TASP1: variants seen among roughly 807,000 people sequenced by gnomAD.
TASP1 encodes taspase 1, also known as threonine aspartase 1.
In TASP1, 16 loss-of-function variants were observed where a neutral mutation model predicts 56.6. The observed-to-expected ratio is 0.28, with a 90% confidence interval of 0.19 to 0.43. The LOEUF (loss-of-function observed/expected upper bound fraction) is 0.43, where lower values mean the gene tolerates loss of function less well. Ranked by LOEUF, TASP1 falls within the 20% of genes least tolerant of loss-of-function variation. The pLI is 1.00. For synonymous variants in TASP1, 179 were observed against 184.2 expected (o/e 0.97, Z 0.23); for missense variants, 393 against 511.6 (o/e 0.77, Z 2.24).
At chr20:13,515,179 C>G (rs972740511) in intron 10 of TASP1, among the ~76,000 whole-genome samples, 1 of 152,098 alleles carries the variant, frequency 6.6e-6, no homozygotes, top group Non-Finnish European at 1.5e-5. Flanking sequence ...AAAACATAAG[C>G]ATCACTTCTT....
the TASP1 span, among the ~76,000 whole-genome samples, chr20:13,150,514 C>A: frequency 6.6e-6 from 1 of 152,154 alleles, no homozygotes; most frequent in Admixed American, 6.5e-5. Flanking sequence ...GAGTTCCATC[C>A]AGGGACTCCA....
At chr20:13,118,448 G>GAAAAAAAAAAAA in the TASP1 span, among the ~76,000 whole-genome samples, 2 of 108,716 alleles carry the variant, frequency 1.8e-5, no homozygotes, top group African/African-American at 3.6e-5. Context: ...AGAGGTTTGT[G>GAAAAAAAAAAAA]GAAAAAAAAA....
the TASP1 span, among the ~76,000 whole-genome samples, chr20:13,249,206 ATCT>A: frequency 6.6e-6 from 1 of 152,182 alleles, no homozygotes; most frequent in Non-Finnish European, 1.5e-5. Context: ...GTTCCTAATG[ATCT>A]TCTGTTCTCC....
At chr20:13,555,563 C>T (rs1350069688) in intron 8 of TASP1, among the ~76,000 whole-genome samples, 1 of 152,052 alleles carries the variant, frequency 6.6e-6, no homozygotes, top group South Asian at 2.1e-4. Context: ...CATCTTCAGG[C>T]CCTACCTCTA....
At chr20:13,301,615 T>C in the TASP1 span, among the ~76,000 whole-genome samples, 14 of 152,334 alleles carry the variant, frequency 9.2e-5, no homozygotes, top group African/African-American at 3.4e-4. Context: ...AATTTTTTGC[T>C]ACAGATGAAC....
At chr20:13,134,662 T>C in the TASP1 span, among the ~76,000 whole-genome samples, 27 of 152,262 alleles carry the variant, frequency 1.8e-4, no homozygotes, top group Non-Finnish European at 2.9e-5. Context: ...TTGATAACCA[T>C]GTTTCTACGT....
chr20:13,129,911 T>G, the TASP1 span, among the ~76,000 whole-genome samples: 1 of 152,136 alleles, frequency 6.6e-6, no homozygotes, highest in Non-Finnish European at 1.5e-5. Flanking sequence ...TTAAAGCTTC[T>G]CACTTTACTC....
intron 11 of TASP1, among the ~76,000 whole-genome samples, chr20:13,466,086 T>C (rs1467014573): frequency 1.3e-5 from 2 of 152,146 alleles, no homozygotes; most frequent in African/African-American, 4.8e-5. Context: ...CTATTATAAT[T>C]CTGCAAGACA....
At chr20:13,479,989 C>T (rs1339537636) in intron 11 of TASP1, among the ~76,000 whole-genome samples, 1 of 152,210 alleles carries the variant, frequency 6.6e-6, no homozygotes. Flanking sequence ...GAGAAAAAAA[C>T]TCAACCTCCT....
At chr20:13,125,046 C>G in the TASP1 span, among the ~76,000 whole-genome samples, 1 of 151,860 alleles carries the variant, frequency 6.6e-6, no homozygotes, top group Non-Finnish European at 1.5e-5. Flanking sequence ...GGCCTGTCAT[C>G]AGCCCATTAG....
chr20:13,528,250 T>C (rs1299185928), intron 10 of TASP1, among the ~76,000 whole-genome samples, 183 bp downstream of exon 10: 2 of 110,676 alleles, frequency 1.8e-5, no homozygotes, highest in Non-Finnish European at 3.9e-5. Context: ...AAAAAGAAAA[T>C]GTTAGCAAAG....
intron 10 of TASP1, 22 bp from the exon 11 acceptor site, chr20:13,483,359 C>T: frequency 6.6e-7 from 1 of 1,515,908 alleles, no homozygotes. Flanking sequence ...AAGAAACCAA[C>T]AGTTGAGGAA....
At chr20:13,191,675 T>G in the TASP1 span, among the ~76,000 whole-genome samples, 1 of 152,150 alleles carries the variant, frequency 6.6e-6, no homozygotes, top group Non-Finnish European at 1.5e-5. Flanking sequence ...GGTTCTATAG[T>G]GCAATTAGGT....
intron 4 of TASP1, among the ~76,000 whole-genome samples, chr20:13,587,822 AAG>A (rs2047364302): frequency 6.6e-6 from 1 of 152,034 alleles, no homozygotes; most frequent in Non-Finnish European, 1.5e-5. Context: ...TAACTTGACA[AAG>A]GGGATCAATG....
chr20:13,578,427 A>G (rs1297638669), intron 6 of TASP1, among the ~76,000 whole-genome samples: 1 of 152,100 alleles, frequency 6.6e-6, no homozygotes, highest in Non-Finnish European at 1.5e-5. Flanking sequence ...CTCAGTTCCA[A>G]AGGACATACT....
At chr20:13,564,865 G>A (rs898083150) in intron 7 of TASP1, among the ~76,000 whole-genome samples, 1 of 151,968 alleles carries the variant, frequency 6.6e-6, no homozygotes, top group African/African-American at 2.4e-5. Flanking sequence ...AATTAGCCGG[G>A]TGTGGTGGTG....
At chr20:13,348,398 A>T in the TASP1 span, among the ~76,000 whole-genome samples, 1 of 152,214 alleles carries the variant, frequency 6.6e-6, no homozygotes, top group African/African-American at 2.4e-5. Context: ...CCTGGTTCTT[A>T]CCAACAGCCC....
the TASP1 span, among the ~76,000 whole-genome samples, chr20:13,381,910 TC>T: frequency 1.3e-5 from 2 of 152,210 alleles, no homozygotes; most frequent in Non-Finnish European, 2.9e-5. Context: ...GAAACTTCTT[TC>T]CTGGGGTTGA....
At chr20:13,629,340 G>T (rs906223046) in intron 2 of TASP1, among the ~76,000 whole-genome samples, 1 of 148,596 alleles carries the variant, frequency 6.7e-6, no homozygotes, top group African/African-American at 2.5e-5. Flanking sequence ...TTCCAACCTG[G>T]GCGACAAGAG....
Sources: allele counts gnomAD v4.1 joint callset (sites outside exome capture counted in the v4.1 genomes callset), GRCh38; gene constraint gnomAD v4.1.1; transcripts MANE v1.5; gene names NCBI Gene and HGNC (gene_info 2026-07-23, HGNC 2026-07-21).